The following MGST1 variants were observed in gnomAD, a reference collection of about 807,000 sequenced individuals.
MGST1 encodes the protein glutathione S-transferase 12.
Under a neutral mutation model 8.9 loss-of-function variants are expected in MGST1, and 5 were observed. That is an observed-to-expected ratio of 0.56 (90% CI 0.29 to 1.19). The LOEUF is 1.19. Among genes scored for constraint, MGST1 ranks in the 50% most tolerant of loss-of-function variants. The probability of loss-of-function intolerance (pLI) is 0.08; values close to 1 mark genes in which losing one functional copy is unlikely to be tolerated. For missense variants in MGST1, 182 were observed against 187.4 expected, an observed-to-expected ratio of 0.97 and a Z score of 0.17; for synonymous variants, 54 against 67.8, an observed-to-expected ratio of 0.80 and a Z score of 1.00.
intron 4 of MGST1, among the ~76,000 whole-genome samples, chr12:16,539,538 T>C (rs1223228874): frequency 1.3e-5 from 2 of 152,188 alleles, no homozygotes; most frequent in African/African-American, 2.4e-5. Context: ...CTAAGTGTCG[T>C]GGAGGTGTAC....
At chr12:16,508,636 G>A (rs1007077844) in intron 4 of MGST1, among the ~76,000 whole-genome samples, 6 of 152,134 alleles carry the variant, frequency 3.9e-5, no homozygotes, top group Non-Finnish European at 7.4e-5. Flanking sequence ...TCCATGATCT[G>A]ATCTTCAACT....
chr12:16,571,469 GA>G (rs546905898), intron 4 of MGST1, among the ~76,000 whole-genome samples: 8 of 151,918 alleles, frequency 5.3e-5, no homozygotes, highest in African/African-American at 1.9e-4. Flanking sequence ...ACAATCATTT[GA>G]AAAAATATAT....
At position 16,458,428 on chromosome 12, in the gene MGST1, T is replaced by C. The variant is rs1359611589; in HGVS notation, n.482+74824T>C. ...ACCCAGAGTTCTCCAAACTAAATTG[T>C]ACTCTGAAGCCCTTGCTGGATTCCT... On this transcript the variant is annotated intron_variant and non_coding_transcript_variant, in intron 4 of 4. Coordinates refer to the MGST1 transcript ENST00000538857. The surrounding 1 kb of genome is among the most constrained non-coding windows in gnomAD (Gnocchi z 4.0). 6.6e-6 allele frequency among the ~76,000 whole-genome samples: 1 copy of C among 152,022 alleles called. No homozygotes were observed. Among genetic ancestry groups the C allele is most frequent in the Non-Finnish European group, 1.5e-5 (1 of 67,960 alleles).
chr12:16,428,570 G>A (rs746298174), intron 1 of MGST1, among the ~76,000 whole-genome samples: 10 of 151,182 alleles, frequency 6.6e-5, no homozygotes, highest in Admixed American at 1.3e-4. Context: ...CACTGATATT[G>A]CATCTGTATG....
chr12:16,556,242 C>T (rs1942184574), intron 4 of MGST1, among the ~76,000 whole-genome samples: 1 of 152,116 alleles, frequency 6.6e-6, no homozygotes, highest in Non-Finnish European at 1.5e-5. Context: ...GGCTTATTCA[C>T]CTTTAAGAAA....
Position 16,560,292 on chromosome 12 carries a change from A to T in MGST1, n.483-29236A>T. The T allele has an allele frequency of 1.8e-6, 2 of 1,128,186 alleles. No individual in the cohort carries two copies. The highest frequency in any genetic ancestry group is 2.5e-6 in the Non-Finnish European group (2 of 809,630). 69.9% of individuals were successfully genotyped at this position (1,128,186 alleles called of 1,614,324 possible). A position where few individuals can be genotyped will look rare whatever the true frequency, so the allele number is the denominator to read the frequency against. ...TCTCTGGCATGGGATTAAAGTTTAC[A>T]GAACAGAAAAACGCTGAGATTGATT... is the stretch of plus-strand genomic sequence containing the variant. On this transcript the variant is annotated intron_variant and non_coding_transcript_variant, in intron 4 of 4. Coordinates refer to the MGST1 transcript ENST00000538857. The surrounding 1 kb of genome is among the most constrained non-coding windows in gnomAD (Gnocchi z 5.0).
intron 1 of MGST1, among the ~76,000 whole-genome samples, chr12:16,387,611 C>T (rs1386216844): frequency 6.6e-6 from 1 of 151,510 alleles, no homozygotes; most frequent in African/African-American, 2.4e-5. Flanking sequence ...ACTGCAAGCT[C>T]CGCCTCCCAC....
At chr12:16,396,382 A>G (rs577330796) in intron 1 of MGST1, among the ~76,000 whole-genome samples, 1 of 152,328 alleles carries the variant, frequency 6.6e-6, no homozygotes, top group Middle Eastern at 3.4e-3. Flanking sequence ...GAACAAGTCA[A>G]AGATGCCCAC....
intron 4 of MGST1, among the ~76,000 whole-genome samples, chr12:16,483,649 AC>A (rs1374992395): frequency 1.3e-5 from 2 of 152,200 alleles, no homozygotes; most frequent in East Asian, 3.8e-4. Context: ...GTTTCAGTTC[AC>A]CAGTAATATA....
rs1224027991 is a variant in MGST1 at position 16,555,844 on chromosome 12, C to T, written n.483-33684C>T. 3.3e-5 allele frequency among the ~76,000 whole-genome samples: 5 copies of T among 152,262 alleles called. No individual in the cohort carries two copies. Among genetic ancestry groups the T allele is most frequent in the South Asian group, 2.1e-4 (1 of 4,814 alleles). ...CTGGCTCCCTCATCTTCCCCAACCCCGAGCAGACACACTTCCTGTAAGTCA... is the reference window on the plus strand; with the variant it reads ...CTGGCTCCCTCATCTTCCCCAACCCTGAGCAGACACACTTCCTGTAAGTCA... On this transcript the variant is annotated intron_variant and non_coding_transcript_variant, in intron 4 of 4. Coordinates refer to the MGST1 transcript ENST00000538857. This position sits in a 1 kb window ranked among gnomAD's most constrained non-coding sequence, Gnocchi z 5.5.
In MGST1 at chr12:16,408,030, CAAAAAA is replaced by C. The variant is rs200073692; in HGVS notation, n.778+24449_778+24454del. On this transcript the variant is annotated intron_variant and non_coding_transcript_variant, in intron 1 of 1. Transcript: ENST00000359720. ...CTGGCAACAGAGCAAGACTCTGTCT[CAAAAAA>C]AAAAAAAAAAAAAAAAAAAAAAGAC... Among the ~76,000 whole-genome samples the C allele has an allele frequency of 1.4e-4, 6 of 44,098 alleles. No homozygotes were observed. The East Asian group carries it at 1.9e-3, about 14-fold the overall frequency. The allele number at this position is 44,098 out of a possible 152,430, so 28.9% of individuals were successfully genotyped here. A position where few individuals can be genotyped will look rare whatever the true frequency, so the allele number is the denominator to read the frequency against.
In MGST1 at chr12:16,403,546, A is replaced by AT. The variant is rs924795901; in HGVS notation, n.778+19948dup. ...TGCAAAAGTAATTGCTGTTTTCACCATTTTTTAATGTCAAAACTGCAATTA... is the reference window on the plus strand; with the variant it reads ...TGCAAAAGTAATTGCTGTTTTCACCATTTTTTTAATGTCAAAACTGCAATTA... On this transcript the variant is annotated intron_variant and non_coding_transcript_variant, in intron 1 of 1. Transcript: ENST00000359720. Among the ~76,000 whole-genome samples the AT allele has an allele frequency of 2.5e-4, 38 of 152,140 alleles. 1 individual carries two copies. The highest frequency in any genetic ancestry group is 6.2e-4 in the South Asian group (3 of 4,814).
downstream of MGST1, among the ~76,000 whole-genome samples, chr12:16,365,750 C>T (rs73062292): frequency 0.08 from 12,174 of 151,506 alleles, 571 homozygotes; most frequent in East Asian, 0.23. Context: ...CGCGCACACA[C>T]ACACACACAC....
At chr12:16,462,048 G>A (rs1426136418) in intron 4 of MGST1, among the ~76,000 whole-genome samples, 1 of 152,038 alleles carries the variant, frequency 6.6e-6, no homozygotes, top group Non-Finnish European at 1.5e-5. Context: ...CTGAGGATAT[G>A]GATCTGAACA....
chr12:16,509,144 C>T (rs1430346153), intron 4 of MGST1, among the ~76,000 whole-genome samples: 2 of 151,934 alleles, frequency 1.3e-5, no homozygotes, highest in African/African-American at 2.4e-5. Context: ...TGTTGATTAA[C>T]CCTTTAGCAT....
chr12:16,439,251 C>T (rs1283132534), downstream of MGST1, among the ~76,000 whole-genome samples: 2 of 151,678 alleles, frequency 1.3e-5, no homozygotes, highest in Non-Finnish European at 2.9e-5. Flanking sequence ...AAAATGTACA[C>T]TTTTAGAAAG....
intron 4 of MGST1, among the ~76,000 whole-genome samples, chr12:16,578,410 G>A (rs1943059189): frequency 1.3e-5 from 2 of 152,196 alleles, no homozygotes; most frequent in Admixed American, 1.3e-4. Flanking sequence ...AGGTAGAAGG[G>A]ATGGAGGAAC....
rs1159762249 is a variant in MGST1 at position 16,589,317 on chromosome 12, T to C, written n.483-211T>C. 6.6e-6 allele frequency among the ~76,000 whole-genome samples: 1 copy of C among 152,110 alleles called. No individual in the cohort carries two copies. The highest frequency in any genetic ancestry group is 1.5e-5 in the Non-Finnish European group (1 of 67,998). ...GATGGAGAAGGGGCAATACCTAATG[T>C]AGTAGAATAATGAGAAACACATGAT... On this transcript the variant is annotated intron_variant and non_coding_transcript_variant, in intron 4 of 4. Coordinates refer to the MGST1 transcript ENST00000538857. This position sits in a 1 kb window ranked among gnomAD's most constrained non-coding sequence, Gnocchi z 4.2.
At position 16,576,813 on chromosome 12, in the gene MGST1, T is replaced by G. The variant is rs991217739; in HGVS notation, n.483-12715T>G. Reference sequence around the variant, plus strand: ...GTACCATCTATTTTTAAATACCATTTTAAATTCAGTGTACAATGGACATAA... The same window carrying G: ...GTACCATCTATTTTTAAATACCATTGTAAATTCAGTGTACAATGGACATAA... On this transcript the variant is annotated intron_variant and non_coding_transcript_variant, in intron 4 of 4. Coordinates refer to the MGST1 transcript ENST00000538857. This position sits in a 1 kb window ranked among gnomAD's most constrained non-coding sequence, Gnocchi z 4.1. 1.3e-5 allele frequency among the ~76,000 whole-genome samples: 2 copies of G among 152,224 alleles called. No individual in the cohort carries two copies. Among genetic ancestry groups the G allele is most frequent in the African/African-American group, 4.8e-5 (2 of 41,458 alleles).
Sources: gnomAD v4.1 joint callset for allele counts (sites outside exome capture counted in the v4.1 genomes callset) on GRCh38, gnomAD v4.1.1 for gene constraint, Gnocchi (gnomAD v3.1) non-coding constraint, MANE v1.5 for transcripts, NCBI Gene and HGNC (gene_info 2026-07-23, HGNC 2026-07-21) for gene names.